RAPGEF4: variants seen among roughly 807,000 people sequenced by gnomAD.
RAPGEF4 encodes Rap guanine nucleotide exchange factor 4, also known as RAP guanine-nucleotide-exchange factor (GEF) 4.
RAPGEF4 carries 66 observed loss-of-function variants against 147.9 expected under a neutral mutation model. The observed-to-expected ratio is 0.45, with a 90% CI of 0.37 to 0.55. The LOEUF is 0.55. RAPGEF4 is among the 20% of genes least tolerant of loss of function. The pLI is 0.00. For synonymous variants in RAPGEF4, 419 were observed against 442.7 expected (o/e 0.95, Z 0.67); for missense variants, 1,071 against 1,257.3 (o/e 0.85, Z 2.24).
intron 4 of RAPGEF4, among the ~76,000 whole-genome samples, chr2:172,856,742 A>G (rs542768211): frequency 2.4e-4 from 36 of 152,212 alleles, no homozygotes; most frequent in African/African-American, 8.4e-4. Flanking sequence ...CATGTAGTCA[A>G]TCTGGGGCTT....
At position 172,751,699 on chromosome 2, in the gene RAPGEF4, AG is replaced by A. The variant is rs1488405402; in HGVS notation, c.65+15652del. Among the ~76,000 whole-genome samples the A allele has an allele frequency of 3.3e-5, 5 of 152,344 alleles. No individual in the cohort carries two copies. The East Asian group carries it at 9.7e-4, about 29-fold the overall frequency. ...AGGTCACCTAGTTTGAATTTAGATC[AG>A]TGTAATCCAGACTTTACTAAATAGG... is the stretch of plus-strand genomic sequence containing the variant. On this transcript the variant is annotated intron_variant, in intron 1 of 30. Transcript: ENST00000397081.
chr2:172,822,652 C>T (rs780357035), intron 4 of RAPGEF4, among the ~76,000 whole-genome samples: 21 of 152,222 alleles, frequency 1.4e-4, no homozygotes, highest in Non-Finnish European at 2.9e-4. Context: ...TCTGAGCTGG[C>T]GCTACTTTGG....
intron 23 of RAPGEF4, among the ~76,000 whole-genome samples, chr2:173,024,206 CT>C (rs1261549047): frequency 3.8e-5 from 5 of 131,732 alleles, no homozygotes; most frequent in African/African-American, 1.1e-4. Context: ...TACAGCACTT[CT>C]TTTTTTTATT....
chr2:172,876,379 G>A (rs1695922010), intron 4 of RAPGEF4, among the ~76,000 whole-genome samples: 1 of 152,162 alleles, frequency 6.6e-6, no homozygotes, highest in Admixed American at 6.5e-5. Context: ...GATATTGGAT[G>A]TGGGTTTGTC....
chr2:172,888,875 T>C (rs1008250403), intron 4 of RAPGEF4, among the ~76,000 whole-genome samples: 4 of 152,226 alleles, frequency 2.6e-5, no homozygotes, highest in African/African-American at 9.6e-5. Context: ...GGATGCTTCA[T>C]GCTCTCCAAT....
Position 173,021,097 on chromosome 2 carries a change from T to C in RAPGEF4, c.2253+382T>C, listed in dbSNP as rs929831213. On this transcript the variant is annotated intron_variant, in intron 23 of 30. Transcript: ENST00000397081. ...CCTTTGCATTATGGCAAAGCCACCA[T>C]CTGATCTAAGAGAAATGCTGTTCCC... Among the ~76,000 whole-genome samples, 3 of 152,312 alleles carry C rather than the reference T, an allele frequency of 2.0e-5. No homozygotes were observed. In the East Asian group the frequency reaches 5.8e-4, roughly 29 times the overall value.
At chr2:172,899,941 G>A (rs1249051671) in intron 4 of RAPGEF4, among the ~76,000 whole-genome samples, 1 of 152,188 alleles carries the variant, frequency 6.6e-6, no homozygotes, top group East Asian at 1.9e-4. Context: ...ATTAGGGAAC[G>A]CTGTGGCTTT....
intron 15 of RAPGEF4, among the ~76,000 whole-genome samples, chr2:172,995,223 ATTG>A (rs1693213123): frequency 6.9e-6 from 1 of 144,974 alleles, no homozygotes; most frequent in African/African-American, 2.6e-5. Context: ...TTTTATTTTC[ATTG>A]TTGTTTTTAC....
At chr2:172,761,118 AT>A (rs1322146979) in intron 1 of RAPGEF4, among the ~76,000 whole-genome samples, 4 of 145,268 alleles carry the variant, frequency 2.8e-5, no homozygotes, top group African/African-American at 1.0e-4. Context: ...TTTTTTTTTA[AT>A]TTTTTTTTCT....
intron 16 of RAPGEF4, among the ~76,000 whole-genome samples, chr2:172,998,546 C>T (rs1370276565): frequency 1.3e-5 from 2 of 152,058 alleles, no homozygotes; most frequent in Non-Finnish European, 2.9e-5. Context: ...CCACTGCACT[C>T]CAGCTTGCAC....
intron 4 of RAPGEF4, among the ~76,000 whole-genome samples, chr2:172,855,518 C>T (rs1054726785): frequency 1.3e-5 from 2 of 152,102 alleles, no homozygotes; most frequent in Non-Finnish European, 2.9e-5. Context: ...ATTGACATTT[C>T]CAGTGATCTT....
At chr2:172,764,095 TA>T (rs904385991) in intron 1 of RAPGEF4, among the ~76,000 whole-genome samples, 2 of 150,686 alleles carry the variant, frequency 1.3e-5, no homozygotes, top group South Asian at 2.1e-4. Context: ...TCTACAAAAA[TA>T]AAAAAAAATT....
At chr2:172,886,072 G>T (rs1697180145) in intron 4 of RAPGEF4, among the ~76,000 whole-genome samples, 1 of 152,104 alleles carries the variant, frequency 6.6e-6, no homozygotes, top group South Asian at 2.1e-4. Flanking sequence ...TTGTTTATTT[G>T]CACTCTTTTG....
chr2:172,922,914 A>G (rs1185958151), intron 6 of RAPGEF4, among the ~76,000 whole-genome samples: 4 of 152,208 alleles, frequency 2.6e-5, no homozygotes, highest in Non-Finnish European at 5.9e-5. Context: ...ATTAACTAAC[A>G]TCTAAATTTA....
chr2:172,834,712 G>A (rs760386285), intron 4 of RAPGEF4, among the ~76,000 whole-genome samples: 1 of 152,118 alleles, frequency 6.6e-6, no homozygotes, highest in Non-Finnish European at 1.5e-5. Flanking sequence ...TCAGAAATCT[G>A]AACCAAACAA....
At chr2:172,738,666 T>C (rs1694028131) in intron 1 of RAPGEF4, among the ~76,000 whole-genome samples, 1 of 152,172 alleles carries the variant, frequency 6.6e-6, no homozygotes, top group African/African-American at 2.4e-5. Context: ...ATTATGGACA[T>C]TTTCAACCCT....
chr2:172,761,750 A>T (rs146925537), intron 1 of RAPGEF4, among the ~76,000 whole-genome samples: 333 of 152,300 alleles, frequency 2.2e-3, no homozygotes, highest in Admixed American at 3.9e-3. Flanking sequence ...CAAAACAGAA[A>T]TGTACAAGGA....
chr2:172,853,497 T>C (rs1315776698), intron 4 of RAPGEF4, among the ~76,000 whole-genome samples: 2 of 151,976 alleles, frequency 1.3e-5, no homozygotes, highest in African/African-American at 4.8e-5. Flanking sequence ...CTTTTGTTTA[T>C]TTTTAATGTT....
At chr2:172,975,645 T>C (rs1690984273) in intron 10 of RAPGEF4, among the ~76,000 whole-genome samples, 1 of 152,238 alleles carries the variant, frequency 6.6e-6, no homozygotes, top group African/African-American at 2.4e-5. Flanking sequence ...CCACAAAATA[T>C]GGATAATCTA....
Sources: allele counts gnomAD v4.1 joint callset (sites outside exome capture counted in the v4.1 genomes callset), GRCh38; gene constraint gnomAD v4.1.1; transcripts MANE v1.5; gene names NCBI Gene and HGNC (gene_info 2026-07-23, HGNC 2026-07-21).